ROBO1: variants seen among roughly 807,000 people sequenced by gnomAD.
ROBO1 encodes the protein roundabout homolog 1.
ROBO1 carries 149 observed loss-of-function variants against 195.9 expected under a neutral mutation model. That is an observed-to-expected ratio of 0.76 (90% CI 0.67 to 0.87). The LOEUF is 0.87. Ranked by LOEUF, ROBO1 falls within the 40% of genes least tolerant of loss-of-function variation. ROBO1 has a pLI of 0.00. For synonymous variants in ROBO1, 816 were observed against 733.2 expected (o/e 1.11, Z -1.82); for missense variants, 1,933 against 2,068.3 (o/e 0.93, Z 1.27).
At chr3:79,072,771 T>A (rs569539790) in intron 3 of ROBO1, among the ~76,000 whole-genome samples, 74 of 151,972 alleles carry the variant, frequency 4.9e-4, no homozygotes, top group Non-Finnish European at 7.5e-4. Context: ...GCCATCTATA[T>A]CTTAACTGAA....
chr3:79,471,061 A>G (rs1278410366), intron 2 of ROBO1, among the ~76,000 whole-genome samples: 1 of 152,108 alleles, frequency 6.6e-6, no homozygotes. Context: ...GGGAAAGAGC[A>G]GTCTCTTCAA....
chr3:78,600,294 T>C lies in ROBO1; in HGVS notation c.4760A>G (p.Tyr1587Cys). 1 of 1,605,416 alleles carries C rather than the reference T, an allele frequency of 6.2e-7. No individual in the cohort carries two copies. Among genetic ancestry groups the C allele is most frequent in the Non-Finnish European group, 8.5e-7 (1 of 1,172,276 alleles). ...THLIQEDILPYCRPTFPTSNN... is the reference protein window; with the variant it reads ...THLIQEDILPCCRPTFPTSNN... ...TGATGTTGGAAAAGTAGGTCTACAA[T>C]AAGGTAGAATATCCTCTGTGTAATG... The change falls in exon 30 of 31, where the codon TAT becomes TGT. Residue 1587 changes from tyrosine (Y) to cysteine (C), a missense_variant. Coordinates refer to ENST00000464233, the MANE Select transcript of ROBO1 (RefSeq NM_002941.4).
chr3:78,739,562 C>G (rs190453853), intron 5 of ROBO1, among the ~76,000 whole-genome samples: 1 of 152,136 alleles, frequency 6.6e-6, no homozygotes, highest in Admixed American at 6.5e-5. Flanking sequence ...TAATTGTTTT[C>G]TTTAGATAAC....
At chr3:79,480,477 A>G (rs1938780125) in intron 2 of ROBO1, among the ~76,000 whole-genome samples, 1 of 152,160 alleles carries the variant, frequency 6.6e-6, no homozygotes, top group African/African-American at 2.4e-5. Context: ...GATTATGATC[A>G]AGCTCTGCTA....
At chr3:78,606,190 C>T (rs773973455) in intron 29 of ROBO1, among the ~76,000 whole-genome samples, 2 of 152,176 alleles carry the variant, frequency 1.3e-5, no homozygotes, top group African/African-American at 2.4e-5. Flanking sequence ...TTGGCCTAAC[C>T]ACCTTTCTAG....
chr3:78,696,691 T>TATATATATACAC (rs1453032189), intron 8 of ROBO1, among the ~76,000 whole-genome samples: 3 of 146,940 alleles, frequency 2.0e-5, no homozygotes, highest in African/African-American at 7.5e-5. Flanking sequence ...TATACATACA[T>TATATATATACAC]ATATATATAC....
chr3:79,367,401 C>A (rs775611973), intron 2 of ROBO1, among the ~76,000 whole-genome samples: 17 of 152,120 alleles, frequency 1.1e-4, no homozygotes, highest in Non-Finnish European at 1.8e-4. Flanking sequence ...AAGCTTATCA[C>A]CAATAATATA....
rs1238310926 is a variant in ROBO1, at chr3:79,589,972, T to TA, written c.-50-12dup. ...CAGACAATGTGTTATCTGGGGAGAT[T>TA]AAAAAAATATTATTTTGTAATGGTT... On this transcript the variant is annotated splice_polypyrimidine_tract_variant and intron_variant, in intron 1 of 30. Transcript: ENST00000464233. 3 of 1,150,522 alleles carry TA rather than the reference T, an allele frequency of 2.6e-6. No individual in the cohort carries two copies. The highest frequency in any genetic ancestry group is 2.4e-5 in the East Asian group (1 of 41,732). The allele number at this position is 1,150,522 out of a possible 1,614,324, so 71.3% of individuals were successfully genotyped here.
intron 4 of ROBO1, among the ~76,000 whole-genome samples, chr3:78,836,916 G>A (rs1054049031): frequency 6.6e-6 from 1 of 152,110 alleles, no homozygotes. Context: ...AAGACACAGA[G>A]CAACACAAAA....
intron 3 of ROBO1, among the ~76,000 whole-genome samples, chr3:79,114,713 A>G (rs577060572): frequency 1.3e-5 from 2 of 152,338 alleles, no homozygotes; most frequent in African/African-American, 4.8e-5. Flanking sequence ...AGTGAAAGAC[A>G]AGTGGCTGCT....
chr3:78,910,641 G>A (rs983285642), intron 4 of ROBO1, among the ~76,000 whole-genome samples: 1 of 151,874 alleles, frequency 6.6e-6, no homozygotes, highest in African/African-American at 2.4e-5. Flanking sequence ...GCAAATGACG[G>A]GATATGACCG....
intron 5 of ROBO1, among the ~76,000 whole-genome samples, chr3:78,727,778 G>A (rs975607419): frequency 2.0e-5 from 3 of 151,868 alleles, no homozygotes; most frequent in East Asian, 1.9e-4. Context: ...TTCATAAATC[G>A]ATTCAAAACC....
At position 79,755,612 on chromosome 3, in the gene ROBO1, G is replaced by A. The variant is rs534197030; in HGVS notation, c.-51+12140C>T. ...AAAAAATTTAATGACACTGGAATAG[G>A]AAGATGGATTAAAGAGATGTTATAA... On this transcript the variant is annotated intron_variant, in intron 1 of 30. Transcript: ENST00000464233. Among the ~76,000 whole-genome samples, 4 of 152,200 alleles carry A rather than the reference G, an allele frequency of 2.6e-5. No individual in the cohort carries two copies. In the East Asian group the frequency reaches 5.8e-4, roughly 22 times the overall value.
intron 2 of ROBO1, among the ~76,000 whole-genome samples, chr3:79,387,624 AC>A (rs1259553975): frequency 1.3e-5 from 2 of 151,970 alleles, no homozygotes; most frequent in African/African-American, 2.4e-5. Flanking sequence ...CTATTACCAT[AC>A]CCTTCAGTGC....
At chr3:79,725,372 G>A (rs111364298) in intron 1 of ROBO1, among the ~76,000 whole-genome samples, 3,761 of 151,332 alleles carry the variant, frequency 0.025, 60 homozygotes, top group Non-Finnish European at 0.039. Flanking sequence ...GACTACAGGC[G>A]CCCGCCACCA....
intron 1 of ROBO1, among the ~76,000 whole-genome samples, chr3:79,725,312 C>T (rs370697464): frequency 1.4e-5 from 2 of 147,520 alleles, no homozygotes; most frequent in East Asian, 2.0e-4. Flanking sequence ...CTGCAAGCTC[C>T]GCCTCCCGGG....
At chr3:79,023,157 A>AGT (rs10658361) in intron 3 of ROBO1, among the ~76,000 whole-genome samples, 150,881 of 152,266 alleles carry the variant, frequency 0.99, 74,763 homozygotes, top group East Asian at 1. Flanking sequence ...GATGAGAAGC[A>AGT]GTGACACATG....
chr3:79,309,116 C>G (rs1032081455), intron 2 of ROBO1, among the ~76,000 whole-genome samples: 1 of 151,850 alleles, frequency 6.6e-6, no homozygotes, highest in African/African-American at 2.4e-5. Flanking sequence ...TTAAGAATCA[C>G]CTGAAGGTTT....
At position 78,627,546 on chromosome 3, in the gene ROBO1, G is replaced by T; in HGVS notation, c.3650C>A (p.Pro1217His). The stretch of plus-strand genomic sequence containing the variant: ...CAAATACATCCTTGCTGGTGGCACG[G>T]GACATGGCATTTCTTGGTCATAGCT... ...DESYDQEMPCPVPPARMYLQQ... is the reference protein window; with the variant it reads ...DESYDQEMPCHVPPARMYLQQ... The change falls in exon 26 of 31, where the codon CCC becomes CAC. Residue 1217 changes from proline to histidine, a missense_variant. Pro to His is a moderately conservative substitution (Grantham distance 77). Transcript: ENST00000464233. The T allele has an allele frequency of 6.2e-7, 1 of 1,612,742 alleles. No individual in the cohort carries two copies. The highest frequency in any genetic ancestry group is 1.1e-5 in the South Asian group (1 of 90,940).
Sources: gnomAD v4.1 joint callset for allele counts (sites outside exome capture counted in the v4.1 genomes callset) on GRCh38, gnomAD v4.1.1 for gene constraint, MANE v1.5 for transcripts, NCBI Gene and HGNC (gene_info 2026-07-23, HGNC 2026-07-21) for gene names.